The following DST variants were observed in gnomAD, a reference collection of about 807,000 sequenced individuals.
The protein encoded by DST is dystonin, also known as bullous pemphigoid antigen.
Under a neutral mutation model 875.2 loss-of-function variants are expected in DST, and 253 were observed. The ratio of observed to expected loss-of-function variants is 0.29; its 90% CI spans 0.26 to 0.32. DST has a LOEUF of 0.32. DST is among the 10% of genes least tolerant of loss of function. The pLI, the probability that DST is intolerant of heterozygous loss-of-function variation, is 1.00. For synonymous variants in DST, 3,124 were observed against 3,197.1 expected (o/e 0.98, Z 0.77); for missense variants, 8,287 against 9,111.6 (o/e 0.91, Z 3.68).
chr6:56,820,740 CTAT>C (rs1321032006), intron 4 of DST, among the ~76,000 whole-genome samples: 1 of 151,904 alleles, frequency 6.6e-6, no homozygotes, highest in Non-Finnish European at 1.5e-5. Context: ...ACATTACTGC[CTAT>C]TATTATAGTG....
rs746886667 is a variant in DST, at chr6:56,603,056, G to A, written c.11158-25C>T. On this transcript the variant is annotated intron_variant, in intron 42 of 103. Coordinates refer to ENST00000680361, the MANE Select transcript of DST (RefSeq NM_001374736.1). ...ACTAGAAAAAAAAATTGTGCATTCA[G>A]TTATCTTTCCCCAAAATGTCAAATT... The A allele has an allele frequency of 4.5e-6, 7 of 1,553,390 alleles. No individual in the cohort carries two copies. The South Asian group carries it at 8.7e-5, about 19-fold the overall frequency.
chr6:56,909,884 T>G (rs1284999360), intron 2 of DST, among the ~76,000 whole-genome samples: 1 of 152,154 alleles, frequency 6.6e-6, no homozygotes, highest in African/African-American at 2.4e-5. Context: ...ACCCTCAGGA[T>G]TAGAGCAATT....
intron 45 of DST, among the ~76,000 whole-genome samples, chr6:56,599,482 A>G (rs1195015642): frequency 6.6e-6 from 1 of 152,112 alleles, no homozygotes; most frequent in Non-Finnish European, 1.5e-5. Flanking sequence ...ATAATAATGT[A>G]ACAAAGTGTG....
intron 12 of DST, among the ~76,000 whole-genome samples, chr6:56,648,961 C>T (rs1201058240): frequency 6.6e-6 from 1 of 152,096 alleles, no homozygotes; most frequent in African/African-American, 2.4e-5. Context: ...ATTTAGAAGG[C>T]TTTTGGGGCT....
Position 56,506,661 on chromosome 6 carries a change from T to C in DST, c.19362+6A>G, listed in dbSNP as rs1255672512. 6.2e-7 allele frequency: 1 copy of C among 1,613,358 alleles called. No homozygotes were observed. Among genetic ancestry groups the C allele is most frequent in the African/African-American group, 1.3e-5 (1 of 74,906 alleles). ...AAAGCCATTCTGATAAGTAAGCCAG[T>C]TGTACCTCATCTATACTCTTCTTGA... On this transcript the variant is annotated splice_donor_region_variant and intron_variant, in intron 76 of 103. Coordinates refer to ENST00000680361, the MANE Select transcript of DST (RefSeq NM_001374736.1).
intron 4 of DST, among the ~76,000 whole-genome samples, chr6:56,837,045 A>C (rs1237560306): frequency 2.0e-5 from 3 of 152,058 alleles, no homozygotes; most frequent in Non-Finnish European, 4.4e-5. Context: ...GATGCTACTA[A>C]TCATGCTCAG....
chr6:56,583,219 A>C (rs1331975546), intron 49 of DST, among the ~76,000 whole-genome samples: 1 of 152,196 alleles, frequency 6.6e-6, no homozygotes, highest in Non-Finnish European at 1.5e-5. Flanking sequence ...CCAACAGTGT[A>C]AAAGTGTTCC....
At chr6:56,886,639 G>C (rs1784774054) in intron 3 of DST, among the ~76,000 whole-genome samples, 1 of 152,156 alleles carries the variant, frequency 6.6e-6, no homozygotes, top group African/African-American at 2.4e-5. Flanking sequence ...GCTGGGTGTG[G>C]TGGCACATGC....
chr6:56,936,803 CA>C (rs1813244143), intron 2 of DST, among the ~76,000 whole-genome samples: 1 of 151,848 alleles, frequency 6.6e-6, no homozygotes, highest in Admixed American at 6.6e-5. Flanking sequence ...TTTAGGCCAA[CA>C]AACTAGATAA....
At chr6:56,871,487 G>A (rs925884836) in intron 3 of DST, 6 of 1,571,254 alleles carry the variant, frequency 3.8e-6, no homozygotes, top group East Asian at 2.2e-5. Flanking sequence ...AAAATGCAGA[G>A]AGTGATGCTG....
chr6:56,508,820 T>C, intron 74 of DST, 65 bp from the exon 75 acceptor site: 3 of 1,309,694 alleles, frequency 2.3e-6, no homozygotes, highest in Non-Finnish European at 3.2e-6. Flanking sequence ...AAGCAGAATG[T>C]TATAGTTCAC....
intron 86 of DST, among the ~76,000 whole-genome samples, chr6:56,488,610 A>T (rs113325763): frequency 1.3e-5 from 2 of 152,160 alleles, no homozygotes; most frequent in Non-Finnish European, 2.9e-5. Flanking sequence ...CAGCCAACCT[A>T]TGTGAAGATG....
intron 2 of DST, among the ~76,000 whole-genome samples, chr6:56,924,934 C>T (rs1806229019): frequency 6.6e-6 from 1 of 152,134 alleles, no homozygotes; most frequent in Non-Finnish European, 1.5e-5. Flanking sequence ...TAATTAGAGG[C>T]CACTTTCCTG....
intron 10 of DST, among the ~76,000 whole-genome samples, chr6:56,653,578 G>A (rs1407378962): frequency 5.3e-5 from 8 of 152,050 alleles, no homozygotes; most frequent in East Asian, 3.9e-4. Context: ...CCAGCTACTC[G>A]GGAGGCTGAG....
chr6:56,512,786 A>T (rs1274272288), intron 72 of DST, among the ~76,000 whole-genome samples: 3 of 152,228 alleles, frequency 2.0e-5, no homozygotes, highest in Non-Finnish European at 4.4e-5. Flanking sequence ...GGTTTTCAAA[A>T]GACTGCCTCA....
intron 4 of DST, among the ~76,000 whole-genome samples, chr6:56,736,284 C>G (rs1037148721): frequency 6.6e-6 from 1 of 152,086 alleles, no homozygotes; most frequent in Non-Finnish European, 1.5e-5. Context: ...TGCCCTGGTT[C>G]CTATAGACAG....
At chr6:56,592,384 A>G in intron 48 of DST, 26 bp from the exon 49 acceptor site, 1 of 1,546,886 alleles carries the variant, frequency 6.5e-7, no homozygotes, top group Non-Finnish European at 8.8e-7. Context: ...GAAAAGGGGT[A>G]GGAGATTAAA....
At chr6:56,559,450 T>A (rs1189918697) in intron 58 of DST, among the ~76,000 whole-genome samples, 1 of 152,144 alleles carries the variant, frequency 6.6e-6, no homozygotes, top group Non-Finnish European at 1.5e-5. Flanking sequence ...TAGAGATTTC[T>A]ACATTTATCA....
chr6:56,942,706 C>CTTTT (rs67354752), intron 2 of DST, among the ~76,000 whole-genome samples: 2 of 65,994 alleles, frequency 3.0e-5, no homozygotes, highest in African/African-American at 1.3e-4. Context: ...TGCCATTTCT[C>CTTTT]TTTTTTTTTT....
Sources: gnomAD v4.1 joint callset for allele counts (sites outside exome capture counted in the v4.1 genomes callset) on GRCh38, gnomAD v4.1.1 for gene constraint, MANE v1.5 for transcripts, NCBI Gene and HGNC (gene_info 2026-07-23, HGNC 2026-07-21) for gene names.